The following CFAP91 variants were observed in gnomAD, a reference collection of about 807,000 sequenced individuals.
CFAP91 encodes the protein cilia- and flagella-associated protein 91.
Under a neutral mutation model 95.9 loss-of-function variants are expected in CFAP91, and 85 were observed. The observed-to-expected ratio is 0.89, with a 90% CI of 0.74 to 1.06. CFAP91 has a LOEUF of 1.06. Ranked by LOEUF, CFAP91 falls within the 50% of genes least tolerant of loss-of-function variation. The probability of loss-of-function intolerance (pLI) is 0.00; values close to 1 mark genes in which losing one functional copy is unlikely to be tolerated. For missense variants in CFAP91, 962 were observed against 943.4 expected, an observed-to-expected ratio of 1.02 and a Z score of -0.26; for synonymous variants, 335 against 327.5, an observed-to-expected ratio of 1.02 and a Z score of -0.25.
intron 13 of CFAP91, among the ~76,000 whole-genome samples, chr3:119,741,619 A>G (rs1320229782): frequency 6.6e-6 from 1 of 152,252 alleles, no homozygotes; most frequent in Admixed American, 6.5e-5. Flanking sequence ...TTATTGACAT[A>G]GTATAGCTAT....
At position 119,747,131 on chromosome 3, in the gene CFAP91, A is replaced by T. The variant is rs761049111; in HGVS notation, c.1919A>T (p.His640Leu). 3 of 1,606,172 alleles carry T rather than the reference A, an allele frequency of 1.9e-6. No homozygotes were observed. The highest frequency in any genetic ancestry group is 2.5e-6 in the Non-Finnish European group (3 of 1,176,782). ...TTTTTGCAGGTGGTTAAAGTTCACC[A>T]TAGTACTATAAGCTCCTACCTAGAA... ...EIFKEVVKVH[H>L]STISSYLEDI... Residue 640 changes from histidine (H) to leucine (L), a missense_variant, in exon 15 of 18, where the codon CAT (histidine) becomes CTT (leucine). His to Leu is a moderately conservative substitution (Grantham distance 99). Coordinates refer to ENST00000273390, the MANE Select transcript of CFAP91 (RefSeq NM_033364.4).
intron 7 of CFAP91, among the ~76,000 whole-genome samples, chr3:119,729,572 A>C (rs866646098): frequency 6.6e-6 from 1 of 151,324 alleles, no homozygotes; most frequent in Non-Finnish European, 1.5e-5. Flanking sequence ...TGAACCCGGG[A>C]GGCAGAGGCT....
At chr3:119,722,752 CA>C (rs1188047640) in intron 6 of CFAP91, among the ~76,000 whole-genome samples, 2 of 151,786 alleles carry the variant, frequency 1.3e-5, no homozygotes, top group Non-Finnish European at 2.9e-5. Context: ...TCTCGGCCTC[CA>C]AAAGTGCTGG....
chr3:119,719,380 T>C (rs1157350577), intron 6 of CFAP91, among the ~76,000 whole-genome samples: 1 of 152,236 alleles, frequency 6.6e-6, no homozygotes, highest in African/African-American at 2.4e-5. Context: ...ATGGGATGTT[T>C]GTTTTTGTTT....
At position 119,706,897 on chromosome 3, in the gene CFAP91, T is replaced by G; in HGVS notation, c.201+12T>G. The G allele has an allele frequency of 6.2e-7, 1 of 1,606,604 alleles. No homozygotes were observed. Among genetic ancestry groups the G allele is most frequent in the East Asian group, 2.2e-5 (1 of 44,826 alleles). ...TTCGCAGCAGACTGGTATGTCTAAT[T>G]CATCAGCCAAGGCTACCTGATGAAC... is the stretch of plus-strand genomic sequence containing the variant. On this transcript the variant is annotated intron_variant, in intron 2 of 17. Coordinates refer to ENST00000273390, the MANE Select transcript of CFAP91 (RefSeq NM_033364.4).
At position 119,732,353 on chromosome 3, in the gene CFAP91, A is replaced by G. The variant is rs2107887789; in HGVS notation, c.1078A>G (p.Ile360Val). 1.1e-5 allele frequency: 18 copies of G among 1,612,098 alleles called. No individual in the cohort carries two copies. The highest frequency in any genetic ancestry group is 4.5e-5 in the East Asian group (2 of 44,836). The change falls in exon 9 of 18, where the codon ATC (isoleucine) becomes GTC (valine). Residue 360 changes from isoleucine to valine, a missense_variant. Physicochemically the swap from Ile to Val is conservative, Grantham distance 29. Coordinates refer to ENST00000273390, the MANE Select transcript of CFAP91 (RefSeq NM_033364.4). ...AGAAGGGAAGTTGGAGAGAAGAAAT[A>G]TCATCAAGGATTATTCTGATTATGC... The part of the protein sequence containing the change: ...NIEGKLERRN[I>V]IKDYSDYASQ...
rs2053374890 is a variant in CFAP91 at position 119,706,862 on chromosome 3, G to C, written c.178G>C (p.Ala60Pro). The change falls in exon 2 of 18, where the codon GCT (alanine) becomes CCT (proline). Residue 60 changes from alanine (A) to proline (P), a missense_variant. Transcript: ENST00000273390. ...AGACCATACACAGGCAAATATCCAA[G>C]CTACCCTGATTCGCAGCAGACTGGT... ...EKDHTQANIQ[A>P]TLIRSRLRKV... 2 of 1,612,880 alleles carry C rather than the reference G, an allele frequency of 1.2e-6. No individual in the cohort carries two copies. Among genetic ancestry groups the C allele is most frequent in the Non-Finnish European group, 1.7e-6 (2 of 1,179,706 alleles).
In CFAP91 at chr3:119,744,078, G is replaced by A. The variant is rs1454586573; in HGVS notation, c.1784G>A (p.Arg595Lys). The change falls in exon 14 of 18, where the codon AGG becomes AAG. Residue 595 changes from arginine to lysine, a missense_variant. Arg to Lys is a conservative substitution (Grantham distance 26). Transcript: ENST00000273390. Reference sequence around the variant, plus strand: ...CTGGTGAGACTGCAGGAGGAGAGGAGGATCCATGCCTTTGTCATGCTGGCT... The same window carrying A: ...CTGGTGAGACTGCAGGAGGAGAGGAAGATCCATGCCTTTGTCATGCTGGCT... ...KELVRLQEER[R>K]IHAFVMLAER... The A allele has an allele frequency of 3.1e-6, 5 of 1,614,094 alleles. No homozygotes were observed. In the South Asian group the frequency reaches 4.4e-5, roughly 14 times the overall value.
intron 13 of CFAP91, among the ~76,000 whole-genome samples, chr3:119,743,310 G>C (rs979124472): frequency 6.6e-6 from 1 of 151,818 alleles, no homozygotes; most frequent in Non-Finnish European, 1.5e-5. Context: ...TAAAGACGGG[G>C]TTTCTCCATA....
rs1190442903 is a variant in CFAP91, at chr3:119,759,965, A to G, written c.*2-5087A>G. Among the ~76,000 whole-genome samples the G allele has an allele frequency of 2.6e-5, 4 of 151,946 alleles. No individual in the cohort carries two copies. In the East Asian group the frequency reaches 7.7e-4, roughly 29 times the overall value. On this transcript the variant is annotated intron_variant, in intron 17 of 17. Transcript: ENST00000273390. ...AAGGAATACAGCAAGAGAGGAAGAA[A>G]GGAATAAGGACCTACAAAACAACCA...
intron 6 of CFAP91, among the ~76,000 whole-genome samples, chr3:119,716,460 T>C (rs1305582470): frequency 1.3e-5 from 2 of 152,128 alleles, no homozygotes; most frequent in East Asian, 1.9e-4. Context: ...GAGATTACTT[T>C]CCCCCGCATT....
At chr3:119,727,490 A>C (rs1263316173) in intron 7 of CFAP91, among the ~76,000 whole-genome samples, 1 of 152,208 alleles carries the variant, frequency 6.6e-6, no homozygotes, top group Non-Finnish European at 1.5e-5. Flanking sequence ...TACATTTGTT[A>C]AACTGAGGGC....
intron 16 of CFAP91, among the ~76,000 whole-genome samples, chr3:119,748,445 A>G (rs374895457): frequency 6.6e-6 from 1 of 152,202 alleles, no homozygotes; most frequent in East Asian, 1.9e-4. Flanking sequence ...TCAATAGAGA[A>G]AGAGAAAATA....
At chr3:119,720,416 A>G (rs2053662819) in intron 6 of CFAP91, among the ~76,000 whole-genome samples, 1 of 150,434 alleles carries the variant, frequency 6.6e-6, no homozygotes, top group South Asian at 2.1e-4. Flanking sequence ...AAAAGAAAAG[A>G]AAACTTAGAT....
intron 16 of CFAP91, among the ~76,000 whole-genome samples, chr3:119,749,949 T>C (rs1305963365): frequency 1.3e-5 from 2 of 152,208 alleles, no homozygotes; most frequent in African/African-American, 4.8e-5. Flanking sequence ...ATGTACACTA[T>C]CTCAATTTCT....
intron 5 of CFAP91, chr3:119,715,284 A>T (rs2053552130): frequency 1.9e-6 from 1 of 531,330 alleles, no homozygotes; most frequent in Non-Finnish European, 3.4e-6. Flanking sequence ...TCTGTTCTAC[A>T]ACCTTGCCCA....
chr3:119,750,965 T>C lies in CFAP91; in HGVS notation c.2172T>C (p.Leu724=). 6.2e-7 allele frequency: 1 copy of C among 1,614,024 alleles called. No homozygotes were observed. Among genetic ancestry groups the C allele is most frequent in the African/African-American group, 1.3e-5 (1 of 75,038 alleles). Residue 724 remains leucine, a synonymous_variant, in exon 17 of 18, where the codon CTT becomes CTC. Coordinates refer to ENST00000273390, the MANE Select transcript of CFAP91 (RefSeq NM_033364.4). ...KVRNAQRKHI[L]AAHQIIHSYT... is the part of the protein sequence containing the mutation. ...GGAACGCACAGCGGAAACATATTCT[T>C]GCAGCCCATCAGATCATCCACAGTT...
intron 17 of CFAP91, among the ~76,000 whole-genome samples, chr3:119,755,195 T>C (rs550567912): frequency 6.6e-5 from 10 of 152,224 alleles, no homozygotes; most frequent in Admixed American, 1.3e-4. Context: ...GACTTTAGAG[T>C]TGACATGGGA....
intron 6 of CFAP91, among the ~76,000 whole-genome samples, chr3:119,718,658 A>G (rs1240633108): frequency 1.3e-5 from 2 of 152,006 alleles, no homozygotes; most frequent in African/African-American, 4.8e-5. Context: ...TAGAAAGATA[A>G]CTCAGATTAC....
Sources: gnomAD v4.1 joint callset for allele counts (sites outside exome capture counted in the v4.1 genomes callset) on GRCh38, gnomAD v4.1.1 for gene constraint, MANE v1.5 for transcripts, NCBI Gene and HGNC (gene_info 2026-07-23, HGNC 2026-07-21) for gene names.